AGAP4: variants seen among roughly 807,000 people sequenced by gnomAD.
AGAP4 encodes ArfGAP with GTPase domain, ankyrin repeat and PH domain 4, also known as arf-GAP with GTPase, ANK repeat and PH domain-containing protein 4.
Under a neutral mutation model 60.7 loss-of-function variants are expected in AGAP4, and 13 were observed. That is an observed-to-expected ratio of 0.21 (90% CI 0.14 to 0.34). The LOEUF (loss-of-function observed/expected upper bound fraction) is 0.34, where lower values mean the gene tolerates loss of function less well. Ranked by LOEUF, AGAP4 falls within the 10% of genes least tolerant of loss-of-function variation. The pLI, the probability that AGAP4 is intolerant of heterozygous loss-of-function variation, is 1.00. For synonymous variants in AGAP4, 70 were observed against 339.0 expected, an observed-to-expected ratio of 0.21 and a Z score of 8.72; for missense variants, 169 against 884.0, an observed-to-expected ratio of 0.19 and a Z score of 10.26.
chr10:45,837,125 A>C (rs1383711813), intron 4 of AGAP4, among the ~76,000 whole-genome samples: 1 of 144,234 alleles, frequency 6.9e-6, no homozygotes, highest in African/African-American at 2.5e-5. Context: ...TCAGCCTCCC[A>C]AAGTGCTGGG....
chr10:45,835,181 C>A lies in AGAP4; in HGVS notation c.397-1065G>T, dbSNP rs1445248553. On this transcript the variant is annotated intron_variant, in intron 4 of 7. Coordinates refer to ENST00000616763, the MANE Select transcript of AGAP4 (RefSeq NM_001276343.3). ...CTAATGCATTTACTAAATTACTAAT[C>A]CTAAATGTATTATTTCAGGTGATAT... Among the ~76,000 whole-genome samples the A allele has an allele frequency of 2.0e-4, 26 of 129,934 alleles. 1 individual carries two copies. Among genetic ancestry groups the A allele is most frequent in the Admixed American group, 4.4e-4 (6 of 13,626 alleles). 85.2% of individuals were successfully genotyped at this position (129,934 alleles called of 152,430 possible).
chr10:45,836,283 G>C (rs1268233586), intron 4 of AGAP4, among the ~76,000 whole-genome samples: 4 of 152,062 alleles, frequency 2.6e-5, no homozygotes, highest in African/African-American at 9.7e-5. Context: ...TTCTTGGTTT[G>C]ATTCTAAGCT....
intron 6 of AGAP4, among the ~76,000 whole-genome samples, chr10:45,830,380 C>T (rs1383699013): frequency 1.5e-5 from 2 of 132,594 alleles, no homozygotes; most frequent in Admixed American, 7.4e-5. Context: ...CCATGTTGGT[C>T]GGGCTGGTCT....
chr10:45,840,798 A>AGG (rs2058904702), intron 4 of AGAP4, among the ~76,000 whole-genome samples: 1 of 77,758 alleles, frequency 1.3e-5, no homozygotes, highest in Non-Finnish European at 2.5e-5. Flanking sequence ...GAATTGCAGA[A>AGG]GTGCTCAGAT....
At chr10:45,830,123 T>C (rs1245840126) in intron 6 of AGAP4, among the ~76,000 whole-genome samples, 1 of 149,122 alleles carries the variant, frequency 6.7e-6, no homozygotes, top group African/African-American at 2.4e-5. Context: ...ACTTTAAAAA[T>C]ACACCTTCTA....
chr10:45,852,163 C>T (rs1325327602), upstream of AGAP4, among the ~76,000 whole-genome samples: 99 of 147,234 alleles, frequency 6.7e-4, no homozygotes, highest in Non-Finnish European at 3.0e-4. Context: ...CTGCCCGCCT[C>T]GGCCTCCCAC....
At position 45,826,629 on chromosome 10, in the gene AGAP4, G is replaced by A. The variant is rs782497423; in HGVS notation, c.1347C>T (p.Cys449=). 20 of 1,403,380 alleles carry A rather than the reference G, an allele frequency of 1.4e-5. 4 individuals carry two copies. The highest frequency in any genetic ancestry group is 2.2e-4 in the Middle Eastern group (1 of 4,512). The allele number at this position is 1,403,380 out of a possible 1,614,324, so 86.9% of individuals were successfully genotyped here. A position where few individuals can be genotyped will look rare whatever the true frequency, so the allele number is the denominator to read the frequency against. The change falls in exon 8 of 8, where the codon TGC becomes TGT. Residue 449 remains cysteine, a synonymous_variant. Coordinates refer to ENST00000616763, the MANE Select transcript of AGAP4 (RefSeq NM_001276343.3). ...QSQILASLQS[C]ESSKSKSQLT... ...GCTGGGACTTGCTTTTACTGCTCTC[G>A]CATGACTGCAGGCTGGCCAGGATCT...
chr10:45,838,049 A>G (rs1454312879), intron 4 of AGAP4, among the ~76,000 whole-genome samples: 10 of 151,060 alleles, frequency 6.6e-5, no homozygotes, highest in African/African-American at 2.2e-4. Context: ...CCGTCAATCA[A>G]TGAGTGGATA....
At chr10:45,844,432 T>C in intron 2 of AGAP4, 38 bp from the exon 3 acceptor site, 1 of 1,592,964 alleles carries the variant, frequency 6.3e-7, no homozygotes, top group South Asian at 1.1e-5. Context: ...AAAGATGTAA[T>C]CATTGATAAA....
chr10:45,832,091 G>A (rs1194701253), intron 5 of AGAP4, among the ~76,000 whole-genome samples: 3 of 133,636 alleles, frequency 2.2e-5, no homozygotes, highest in Admixed American at 2.2e-4. Flanking sequence ...GTAGAGTGAG[G>A]CTCAAAACAA....
chr10:45,851,465 T>C (rs2059083222), upstream of AGAP4, among the ~76,000 whole-genome samples: 3 of 152,050 alleles, frequency 2.0e-5, no homozygotes. Context: ...AAATTAGCTA[T>C]GGCAACTTAG....
At chr10:45,828,718 C>T in intron 6 of AGAP4, among the ~76,000 whole-genome samples, 1 of 53,420 alleles carries the variant, frequency 1.9e-5, no homozygotes, top group African/African-American at 7.9e-5. Context: ...TTTTTTGAGA[C>T]CAAGTTTTAC....
intron 4 of AGAP4, among the ~76,000 whole-genome samples, chr10:45,838,738 T>C (rs1217163726): frequency 6.6e-6 from 1 of 151,396 alleles, no homozygotes; most frequent in African/African-American, 2.4e-5. Flanking sequence ...GCCTGGCTAA[T>C]TTGTTATTTA....
upstream of AGAP4, among the ~76,000 whole-genome samples, chr10:45,851,350 T>C (rs1284086576): frequency 1.3e-5 from 2 of 152,006 alleles, no homozygotes; most frequent in Non-Finnish European, 2.9e-5. Flanking sequence ...TGCCTTCTTT[T>C]CATATCTATA....
upstream of AGAP4, chr10:45,848,766 A>ATT: frequency 6.6e-6 from 1 of 151,252 alleles, no homozygotes; most frequent in Admixed American, 6.6e-5. Flanking sequence ...GGTTTAACTG[A>ATT]CTCAGTTTCA....
intron 4 of AGAP4, 24 bp from the exon 5 acceptor site, chr10:45,834,140 T>A: frequency 1.3e-6 from 2 of 1,530,548 alleles, no homozygotes; most frequent in Middle Eastern, 1.9e-4. Flanking sequence ...GAAGTGTAAG[T>A]CAAACTTATC....
In AGAP4 at chr10:45,842,605, A is replaced by T. The variant is rs1469798043; in HGVS notation, c.362-918T>A. ...TGGACATGGTGTCTGCAGCACAAAA[A>T]ATCATTTTTTTTCCCTAAAAAGAGG... On this transcript the variant is annotated intron_variant, in intron 3 of 7. Transcript: ENST00000616763. 3.4e-5 allele frequency among the ~76,000 whole-genome samples: 5 copies of T among 149,134 alleles called. No individual in the cohort carries two copies. In the East Asian group the frequency reaches 7.9e-4, roughly 23 times the overall value.
intron 3 of AGAP4, among the ~76,000 whole-genome samples, chr10:45,843,495 T>C (rs376900686): frequency 0.033 from 4,074 of 122,128 alleles, 57 homozygotes; most frequent in Non-Finnish European, 0.047. Context: ...TGTTATAAAT[T>C]ACCCAGCCTT....
chr10:45,854,177 G>A (rs1477251418), upstream of AGAP4: 1 of 214,970 alleles, frequency 4.7e-6, no homozygotes, highest in Non-Finnish European at 9.3e-6. Flanking sequence ...TTTTCACAAG[G>A]TTTGAGTCTG....
Sources: gnomAD v4.1 joint callset for allele counts (sites outside exome capture counted in the v4.1 genomes callset) on GRCh38, gnomAD v4.1.1 for gene constraint, MANE v1.5 for transcripts, NCBI Gene and HGNC (gene_info 2026-07-23, HGNC 2026-07-21) for gene names.